The following DIPK1A variants were observed in gnomAD, a reference collection of about 807,000 sequenced individuals.
DIPK1A encodes the protein divergent protein kinase domain 1A.
A neutral mutation model predicts 40.8 loss-of-function variants in DIPK1A; 27 were observed. The observed-to-expected ratio is 0.66, with a 90% CI of 0.49 to 0.91. The LOEUF (loss-of-function observed/expected upper bound fraction) is 0.91. Among genes scored for constraint, DIPK1A ranks in the 40% least tolerant of loss-of-function variants. DIPK1A has a pLI of 0.00. For missense variants in DIPK1A, 412 were observed against 505.7 expected (o/e 0.81, Z 1.78); for synonymous variants, 166 against 171.3 (o/e 0.97, Z 0.24).
intron 2 of DIPK1A, among the ~76,000 whole-genome samples, chr1:92,865,328 A>G (rs1018496576): frequency 6.6e-6 from 1 of 152,074 alleles, no homozygotes; most frequent in Non-Finnish European, 1.5e-5. Flanking sequence ...CTGCCACTAC[A>G]CTCCAGCCTG....
chr1:92,919,245 G>C (rs1264121091), intron 1 of DIPK1A, among the ~76,000 whole-genome samples: 1 of 152,124 alleles, frequency 6.6e-6, no homozygotes, highest in Non-Finnish European at 1.5e-5. Context: ...AGCTATATTA[G>C]AGACCTTACC....
intron 1 of DIPK1A, among the ~76,000 whole-genome samples, chr1:92,949,090 A>AT (rs1272138594): frequency 6.6e-6 from 1 of 151,520 alleles, no homozygotes; most frequent in South Asian, 2.1e-4. Flanking sequence ...AGTTAACTTC[A>AT]TTTTTTTAAA....
downstream of DIPK1A, chr1:92,841,827 A>G: frequency 1.2e-6 from 2 of 1,611,888 alleles, no homozygotes; most frequent in Non-Finnish European, 1.7e-6. Flanking sequence ...AAAGAAGGCA[A>G]GCTTCCTCAG....
intron 1 of DIPK1A, among the ~76,000 whole-genome samples, chr1:92,923,809 A>T (rs1018619018): frequency 6.6e-6 from 1 of 152,108 alleles, no homozygotes; most frequent in Non-Finnish European, 1.5e-5. Flanking sequence ...ACAGGCTTCC[A>T]TCTGGGGCAG....
chr1:92,882,384 G>A (rs923203337), intron 1 of DIPK1A, among the ~76,000 whole-genome samples: 4 of 152,086 alleles, frequency 2.6e-5, no homozygotes, highest in African/African-American at 4.8e-5. Flanking sequence ...ACAAAACTCC[G>A]TCTCAAAAAA....
intron 1 of DIPK1A, chr1:92,933,735 A>G (rs1444748572): frequency 2.0e-5 from 3 of 152,264 alleles, no homozygotes; most frequent in Non-Finnish European, 1.5e-5. Flanking sequence ...AGTGCCTCAC[A>G]TATCGCTGCT....
At chr1:92,899,240 A>G (rs1480714906) in intron 1 of DIPK1A, among the ~76,000 whole-genome samples, 1 of 152,178 alleles carries the variant, frequency 6.6e-6, no homozygotes, top group East Asian at 1.9e-4. Context: ...TGTTGGGTTC[A>G]TATATATTTA....
chr1:92,902,127 G>A (rs535172545), intron 1 of DIPK1A, among the ~76,000 whole-genome samples: 3 of 152,266 alleles, frequency 2.0e-5, no homozygotes, highest in South Asian at 2.1e-4. Context: ...CTTAGGTACC[G>A]AGGTGTGTGA....
chr1:92,958,790 A>T (rs116179938), intron 1 of DIPK1A, among the ~76,000 whole-genome samples: 1 of 152,218 alleles, frequency 6.6e-6, no homozygotes, highest in East Asian at 1.9e-4. Context: ...AAATCACAGT[A>T]AACTCACTCC....
chr1:92,895,253 C>T (rs892355758), intron 1 of DIPK1A, among the ~76,000 whole-genome samples: 6 of 152,018 alleles, frequency 3.9e-5, no homozygotes, highest in African/African-American at 1.5e-4. Context: ...CAAAAATCCT[C>T]AATAAAATAC....
At chr1:92,858,535 A>T (rs1688063376) in intron 2 of DIPK1A, among the ~76,000 whole-genome samples, 2 of 152,166 alleles carry the variant, frequency 1.3e-5, no homozygotes, top group South Asian at 4.1e-4. Context: ...TTAAAATCTC[A>T]TTGAGGATTA....
chr1:92,941,819 A>C (rs1369106567), intron 1 of DIPK1A, among the ~76,000 whole-genome samples: 1 of 152,118 alleles, frequency 6.6e-6, no homozygotes, highest in East Asian at 1.9e-4. Context: ...ATACTCGAAA[A>C]GTGCACTCAA....
intron 4 of DIPK1A, among the ~76,000 whole-genome samples, chr1:92,845,883 T>C (rs1687585312): frequency 6.7e-6 from 1 of 149,272 alleles, no homozygotes; most frequent in Non-Finnish European, 1.5e-5. Flanking sequence ...TGATCCCAGC[T>C]ACTTGGGGGG....
chr1:92,895,828 G>A (rs1433255596), intron 1 of DIPK1A, among the ~76,000 whole-genome samples: 4 of 152,018 alleles, frequency 2.6e-5, no homozygotes, highest in African/African-American at 2.4e-5. Context: ...AAATCAATGT[G>A]CAAAAATAAC....
chr1:92,834,748 G>T, intron 4 of DIPK1A: 1 of 1,611,854 alleles, frequency 6.2e-7, no homozygotes. Flanking sequence ...GAAAGCAACA[G>T]ATTACTAACC....
At chr1:92,833,990 C>T (rs1356913896) in intron 4 of DIPK1A, 1 of 336,358 alleles carries the variant, frequency 3.0e-6, no homozygotes, top group African/African-American at 2.1e-5. Flanking sequence ...CACCTGTAGT[C>T]CCAGCTACTC....
chr1:92,919,566 T>A (rs1342514611), intron 1 of DIPK1A, among the ~76,000 whole-genome samples: 1 of 152,210 alleles, frequency 6.6e-6, no homozygotes, highest in African/African-American at 2.4e-5. Context: ...AAGAATTCTA[T>A]CATGCTTTCC....
At chr1:92,872,148 C>G (rs1253862041) in intron 2 of DIPK1A, among the ~76,000 whole-genome samples, 2 of 127,494 alleles carry the variant, frequency 1.6e-5, no homozygotes, top group Non-Finnish European at 3.1e-5. Flanking sequence ...GATGTGATCT[C>G]AGCTCACTGC....
chr1:92,883,933 C>T (rs1335588023), intron 1 of DIPK1A, among the ~76,000 whole-genome samples: 1 of 152,150 alleles, frequency 6.6e-6, no homozygotes, highest in African/African-American at 2.4e-5. Context: ...GACATCTCAA[C>T]CAGAATAGAC....
Sources: gnomAD v4.1 joint callset for allele counts (sites outside exome capture counted in the v4.1 genomes callset) on GRCh38, gnomAD v4.1.1 for gene constraint, MANE v1.5 for transcripts, NCBI Gene and HGNC (gene_info 2026-07-23, HGNC 2026-07-21) for gene names.